Variants in ALG13 observed in about 807,000 individuals in gnomAD.
The protein encoded by ALG13 is ALG13 UDP-N-acetylglucosaminyltransferase subunit, also known as UDP-N-acetylglucosamine transferase subunit ALG13.
A neutral mutation model predicts 87.8 loss-of-function variants in ALG13; 11 were observed. The observed-to-expected ratio is 0.13, with a 90% CI of 0.08 to 0.21. The LOEUF (loss-of-function observed/expected upper bound fraction) is 0.21. Among genes scored for constraint, ALG13 ranks in the 10% least tolerant of loss-of-function variants. The pLI, the probability that ALG13 is intolerant of heterozygous loss-of-function variation, is 1.00. For missense variants in ALG13, 756 were observed against 866.1 expected, an observed-to-expected ratio of 0.87 and a Z score of 1.60; for synonymous variants, 320 against 306.3, an observed-to-expected ratio of 1.04 and a Z score of -0.47.
intron 13 of ALG13, among the ~76,000 whole-genome samples, chrX:111,723,142 T>G (rs765436273): frequency 4.7e-4 from 50 of 106,846 alleles, no homozygotes; most frequent in African/African-American, 1.5e-3. Flanking sequence ...TTTTTATTTA[T>G]TTATTTATTT....
At chrX:111,688,180 T>G (rs1935443898) in intron 3 of ALG13, 1 of 820,204 alleles carries the variant, frequency 1.2e-6, no homozygotes, top group South Asian at 6.5e-5. Context: ...AAATCCTAAT[T>G]GCAGTTTAGT....
intron 10 of ALG13, among the ~76,000 whole-genome samples, chrX:111,718,895 G>A (rs1462446543): frequency 9.0e-6 from 1 of 111,620 alleles, no homozygotes; most frequent in Non-Finnish European, 1.9e-5. Context: ...TAAAGTACAT[G>A]TCTTATATTT....
rs917027934 is a variant in ALG13 at position 111,681,886 on chromosome X, CTT to C, written c.82-243_82-242del. On this transcript the variant is annotated intron_variant, in intron 1 of 26. Coordinates refer to ENST00000394780, the MANE Select transcript of ALG13 (RefSeq NM_001099922.3). ...GAGTTTGCGACTCCTTTTCCAAAGT[CTT>C]TTCCTGCTGTGGCTTTCGCGGGACT... 17 of 911,300 alleles carry C rather than the reference CTT, an allele frequency of 1.9e-5. No homozygotes were observed. In the Admixed American group the frequency reaches 2.3e-4, roughly 13 times the overall value. The allele number at this position is 911,300 out of a possible 1,213,427, so 75.1% of individuals were successfully genotyped here.
chrX:111,681,535 T>A (rs1173811795), intron 1 of ALG13: 6 of 961,016 alleles, frequency 6.2e-6, no homozygotes, highest in Non-Finnish European at 6.8e-6. Context: ...GCCGCTCCTC[T>A]CCCTCATTTC....
intron 25 of ALG13, among the ~76,000 whole-genome samples, chrX:111,753,973 A>G (rs1944995401): frequency 8.9e-6 from 1 of 111,886 alleles, no homozygotes; most frequent in Non-Finnish European, 1.9e-5. Context: ...ACAACAAAAA[A>G]AGAAAATTTC....
At chrX:111,721,733 A>AAAAGTATC in intron 12 of ALG13, 22 bp downstream of exon 12, 2 of 1,036,574 alleles carry the variant, frequency 1.9e-6, no homozygotes, top group Non-Finnish European at 2.7e-6. Context: ...TCAACAGGAT[A>AAAAGTATC]CTTTTGAATC....
chrX:111,743,986 T>A (rs1019251690), intron 23 of ALG13: 1 of 112,005 alleles, frequency 8.9e-6, no homozygotes, highest in Non-Finnish European at 1.9e-5. Flanking sequence ...GTAACCACAT[T>A]GTTTCCTTTA....
intron 5 of ALG13, among the ~76,000 whole-genome samples, chrX:111,709,536 GTC>G (rs1302979862): frequency 8.9e-6 from 1 of 111,835 alleles, no homozygotes; most frequent in African/African-American, 3.2e-5. Flanking sequence ...GAACAAATGA[GTC>G]TAAGTATCTA....
chrX:111,724,737 C>G (rs1022770770), intron 14 of ALG13, among the ~76,000 whole-genome samples, 197 bp from the exon 15 acceptor site: 2 of 112,224 alleles, frequency 1.8e-5, no homozygotes, highest in African/African-American at 6.5e-5. Flanking sequence ...TCTGAAATGT[C>G]ATCGGTACTA....
Position 111,727,342 on chromosome X carries a change from C to T in ALG13, c.1987C>T (p.Arg663Trp), listed in dbSNP as rs759862252. ...RGYGMPRNSS[R>W]FINRHNMPGP... ...TCTCTTTATTCTTAGGAATTCATCT[C>T]GGTTTATAAACAGGCACAACATGCC... Residue 663 changes from arginine to tryptophan, a missense_variant, in exon 17 of 27, where the codon CGG (arginine) becomes TGG (tryptophan). Transcript: ENST00000394780. The T allele has an allele frequency of 8.3e-6, 10 of 1,204,990 alleles. No individual in the cohort carries two copies. In the South Asian group the frequency reaches 1.2e-4, roughly 15 times the overall value.
At chrX:111,752,335 C>T (rs1372171767) in intron 24 of ALG13, among the ~76,000 whole-genome samples, 2 of 111,623 alleles carry the variant, frequency 1.8e-5, no homozygotes, top group African/African-American at 6.5e-5. Context: ...GGTAAGTAGT[C>T]ATTTACTATA....
chrX:111,746,369 T>C (rs755245059), intron 24 of ALG13, among the ~76,000 whole-genome samples: 2 of 112,372 alleles, frequency 1.8e-5, no homozygotes, highest in East Asian at 2.8e-4. Context: ...TTTGGACTTT[T>C]TTCTACCATA....
At chrX:111,693,345 C>G (rs757032450) in intron 3 of ALG13, among the ~76,000 whole-genome samples, 1 of 107,891 alleles carries the variant, frequency 9.3e-6, no homozygotes, top group Non-Finnish European at 1.9e-5. Context: ...ACCTCCGCTT[C>G]CCAGGTTCAA....
chrX:111,681,569 C>CCCGCGCTCTATTCTCCGCCT, intron 1 of ALG13: 4 of 956,465 alleles, frequency 4.2e-6, no homozygotes, highest in Non-Finnish European at 5.3e-6. Context: ...CCGGTCTGCC[C>CCCGCGCTCTATTCTCCGCCT]CCGCGCTCTA....
At chrX:111,688,749 A>T in intron 3 of ALG13, 1 of 743,210 alleles carries the variant, frequency 1.3e-6, no homozygotes, top group Non-Finnish European at 1.6e-6. Context: ...TTATGTGCTT[A>T]TAAAATTAGT....
chrX:111,751,269 A>T (rs949023943), intron 24 of ALG13, among the ~76,000 whole-genome samples: 17 of 109,722 alleles, frequency 1.5e-4, no homozygotes, highest in Non-Finnish European at 2.1e-4. Context: ...GGGTTTCACC[A>T]TGTTGGCCAG....
chrX:111,716,017 C>T (rs1940539685), intron 8 of ALG13, among the ~76,000 whole-genome samples: 1 of 111,586 alleles, frequency 9.0e-6, no homozygotes, highest in African/African-American at 3.3e-5. Flanking sequence ...AAAGTCCCCA[C>T]TCATCCTCTT....
chrX:111,732,092 C>T (rs1405567465), intron 21 of ALG13, among the ~76,000 whole-genome samples: 1 of 111,771 alleles, frequency 8.9e-6, no homozygotes, highest in Non-Finnish European at 1.9e-5. Flanking sequence ...CTGTGAGTCC[C>T]TGTATGCAAG....
rs1230382085 is a variant in ALG13, at chrX:111,760,090, G to A, written c.*91G>A. 5.5e-6 allele frequency: 5 copies of A among 905,401 alleles called. No homozygotes were observed. In the Admixed American group the frequency reaches 1.1e-4, roughly 19 times the overall value. The allele number at this position is 905,401 out of a possible 1,213,427, so 74.6% of individuals were successfully genotyped here. ...TTATGTTAGTGGTTAAATGATTTAGGTGATTAGTGTTTACTATTGTATTTG... is the reference window on the plus strand; with the variant it reads ...TTATGTTAGTGGTTAAATGATTTAGATGATTAGTGTTTACTATTGTATTTG... On this transcript the variant is annotated 3_prime_UTR_variant, in exon 27 of 27. Transcript: ENST00000394780.
Sources: allele counts gnomAD v4.1 joint callset (sites outside exome capture counted in the v4.1 genomes callset), GRCh38; gene constraint gnomAD v4.1.1; transcripts MANE v1.5; gene names NCBI Gene and HGNC (gene_info 2026-07-23, HGNC 2026-07-21).